Variants in MYH7B observed in about 807,000 individuals in gnomAD.
MYH7B encodes myosin heavy chain 7B.
In MYH7B, 205 loss-of-function variants were observed where a neutral mutation model predicts 234.5. That is an observed-to-expected ratio of 0.87 (90% CI 0.78 to 0.98). The LOEUF (loss-of-function observed/expected upper bound fraction) is 0.98. Ranked by LOEUF, MYH7B falls within the 50% of genes least tolerant of loss-of-function variation. MYH7B has a pLI of 0.00. For missense variants in MYH7B, 2,652 were observed against 2,633.4 expected (o/e 1.01, Z -0.15); for synonymous variants, 1,193 against 1,105.0 (o/e 1.08, Z -1.58).
chr20:34,986,229 G>C, intron 14 of MYH7B, 31 bp downstream of exon 14: 1 of 1,538,394 alleles, frequency 6.5e-7, no homozygotes, highest in Non-Finnish European at 8.8e-7. Context: ...GGGGGTGGGA[G>C]TCAGAACCTG....
At chr20:34,966,294 C>T (rs947435493) in intron 2 of MYH7B, among the ~76,000 whole-genome samples, 7 of 152,160 alleles carry the variant, frequency 4.6e-5, no homozygotes, top group African/African-American at 1.7e-4. Context: ...ACCATGAGTA[C>T]CACTCAGCAA....
At position 34,994,320 on chromosome 20, in the gene MYH7B, C is replaced by T. The variant is rs201923299; in HGVS notation, c.2619C>T (p.Ala873=). The change falls in exon 27 of 45, where the codon GCC becomes GCT. Residue 873 remains alanine, a synonymous_variant. Transcript: ENST00000262873. ...GGTTGCGAGGGGCGCTGGCTGCGGC[C>T]GAGGCCAAGCGCCAGGAACTGGAGG... The T allele has an allele frequency of 3.0e-4, 489 of 1,609,538 alleles. 3 individuals are homozygous for T. The highest frequency in any genetic ancestry group is 2.5e-3 in the Middle Eastern group (15 of 6,030).
chr20:34,985,084 C>T, exon 13 of MYH7B: 1 of 1,614,128 alleles, frequency 6.2e-7, no homozygotes, highest in East Asian at 2.2e-5. Flanking sequence ...CATCCGCATT[C>T]ACTTTGGTCC....
chr20:34,972,755 C>A (rs1236354250), intron 2 of MYH7B, among the ~76,000 whole-genome samples: 1 of 152,082 alleles, frequency 6.6e-6, no homozygotes, highest in Non-Finnish European at 1.5e-5. Flanking sequence ...TCTCAGCCTC[C>A]TGAGTAGCTG....
At chr20:34,998,464 T>G (rs868295703) in intron 33 of MYH7B, 43 bp downstream of exon 33, 2 of 1,612,714 alleles carry the variant, frequency 1.2e-6, no homozygotes, top group Middle Eastern at 3.3e-4. Flanking sequence ...AGGGCTTTGG[T>G]GCAGCCCTCA....
At chr20:34,989,423 T>A (rs1020502449) in intron 19 of MYH7B, among the ~76,000 whole-genome samples, 5 of 152,060 alleles carry the variant, frequency 3.3e-5, no homozygotes, top group Admixed American at 3.3e-4. Flanking sequence ...TACCCCATGT[T>A]TGTGTGTGAC....
In MYH7B at chr20:34,994,085, G is replaced by A. The variant is rs2082206369; in HGVS notation, c.2445-61G>A. 1.9e-6 allele frequency: 3 copies of A among 1,587,096 alleles called. No homozygotes were observed. The South Asian group carries it at 3.4e-5, about 18-fold the overall frequency. On this transcript the variant is annotated intron_variant, in intron 26 of 44. Coordinates refer to ENST00000262873, the Ensembl canonical transcript of MYH7B. ...AGGCAAAACAAGTGAACTGTGCTGAGTGTCACCATTTGTGACGGGCAGCAC... is the reference window on the plus strand; with the variant it reads ...AGGCAAAACAAGTGAACTGTGCTGAATGTCACCATTTGTGACGGGCAGCAC...
chr20:35,001,452 C>T, exon 43 of MYH7B: 1 of 1,604,876 alleles, frequency 6.2e-7, no homozygotes, highest in Non-Finnish European at 8.5e-7. Context: ...CAGGAAGAAC[C>T]TGGCTCGCAT....
chr20:34,963,677 CACTT>C (rs1440385021), intron 2 of MYH7B, among the ~76,000 whole-genome samples: 2 of 152,306 alleles, frequency 1.3e-5, no homozygotes, highest in South Asian at 2.1e-4. Context: ...CAAAGATTTA[CACTT>C]ACTTTTTCTA....
intron 2 of MYH7B, among the ~76,000 whole-genome samples, chr20:34,962,682 C>G (rs1379882214): frequency 1.3e-5 from 2 of 152,042 alleles, no homozygotes; most frequent in African/African-American, 4.8e-5. Flanking sequence ...GGCTGGAGAG[C>G]AGTGGTGCGA....
chr20:34,966,174 G>A (rs890627867), intron 2 of MYH7B, among the ~76,000 whole-genome samples: 2 of 152,170 alleles, frequency 1.3e-5, no homozygotes, highest in Non-Finnish European at 2.9e-5. Flanking sequence ...TTGGAGGGTG[G>A]GTGGCCTCAG....
chr20:34,996,905 GC>G, intron 30 of MYH7B, 147 bp downstream of exon 30: 1 of 1,336,690 alleles, frequency 7.5e-7, no homozygotes, highest in Non-Finnish European at 1.0e-6. Context: ...GTAGTGTCTT[GC>G]CCTCCCTGTA....
rs756034459 is a variant in MYH7B, at chr20:34,999,569, AGAG to A, written c.4543_4545del (p.Glu1515del). On this transcript the variant is annotated splice_acceptor_variant and coding_sequence_variant, in exon 37 of 45. Coordinates refer to ENST00000262873, the Ensembl canonical transcript of MYH7B. LOFTEE classifies it high-confidence loss of function. Reference sequence around the variant, plus strand: ...GGCCTCTCAGCACCCTGTCCACTGCAGAGGAGATCAGCGACCTCACAGACCAGG... The same window carrying A: ...GGCCTCTCAGCACCCTGTCCACTGCAGAGATCAGCGACCTCACAGACCAGG... 2.8e-5 allele frequency: 45 copies of A among 1,602,842 alleles called. No homozygotes were observed. Among genetic ancestry groups the A allele is most frequent in the Admixed American group, 8.4e-5 (5 of 59,246 alleles).
chr20:34,997,489 T>C, exon 32 of MYH7B: 1 of 1,557,794 alleles, frequency 6.4e-7, no homozygotes, highest in Admixed American at 1.9e-5. Flanking sequence ...GTGGCGGCAC[T>C]GCGGCGCAAG....
chr20:34,977,566 G>T, intron 3 of MYH7B, 66 bp from the exon 4 acceptor site: 3 of 1,501,032 alleles, frequency 2.0e-6, no homozygotes, highest in Non-Finnish European at 2.7e-6. Flanking sequence ...GTGTCCTGTG[G>T]CCAGGCTGGG....
In MYH7B at chr20:34,987,130, T is replaced by C; in HGVS notation, c.1009-19T>C. The C allele has an allele frequency of 6.2e-7, 1 of 1,613,066 alleles. No homozygotes were observed. The highest frequency in any genetic ancestry group is 8.5e-7 in the Non-Finnish European group (1 of 1,179,714). On this transcript the variant is annotated intron_variant, in intron 15 of 44. Transcript: ENST00000262873. ...GGAGCCCAGACCTCTCTGAACTCGC[T>C]TTCCCTGCTGCCCCCCAGCATGCCA...
chr20:34,992,931 C>T (rs781691145), intron 24 of MYH7B, among the ~76,000 whole-genome samples, 171 bp from the exon 25 acceptor site: 6 of 152,136 alleles, frequency 3.9e-5, no homozygotes, highest in Non-Finnish European at 8.8e-5. Flanking sequence ...GCATCCCTGG[C>T]CCCCTTGTTT....
rs760888662 is a variant in MYH7B, at chr20:34,982,533, G to GAGACGGGCCGGGCAAGAAGGCCGTA, written c.607_624+7dup. On this transcript the variant is annotated frameshift_variant, in exon 10 of 45. Coordinates refer to ENST00000262873, the Ensembl canonical transcript of MYH7B. LOFTEE classifies it high-confidence loss of function. ...TACTTTGCCATCGTCGCTGCCCTGG[G>GAGACGGGCCGGGCAAGAAGGCCGTA]AGACGGGCCGGGCAAGAAGGCCGTA... The GAGACGGGCCGGGCAAGAAGGCCGTA allele has an allele frequency of 6.2e-7, 1 of 1,609,536 alleles. No homozygotes were observed. The highest frequency in any genetic ancestry group is 8.5e-7 in the Non-Finnish European group (1 of 1,177,382).
chr20:34,988,289 A>T (rs2082070930), intron 19 of MYH7B, 27 bp downstream of exon 19: 1 of 1,600,280 alleles, frequency 6.2e-7, no homozygotes, highest in South Asian at 1.1e-5. Flanking sequence ...GGTCACTTTG[A>T]GGAAGGGAGG....
Sources: allele counts gnomAD v4.1 joint callset (sites outside exome capture counted in the v4.1 genomes callset), GRCh38; gene constraint gnomAD v4.1.1; transcripts MANE v1.5; gene names NCBI Gene and HGNC (gene_info 2026-07-23, HGNC 2026-07-21).